CLIP1: variants seen among roughly 807,000 people sequenced by gnomAD.
The protein encoded by CLIP1 is CAP-Gly domain-containing linker protein 1.
Under a neutral mutation model 161.6 loss-of-function variants are expected in CLIP1, and 66 were observed. The ratio of observed to expected loss-of-function variants is 0.41; its 90% CI spans 0.33 to 0.50. The LOEUF is 0.50. CLIP1 is among the 20% of genes least tolerant of loss of function. The pLI is 0.27. For synonymous variants in CLIP1, 598 were observed against 626.2 expected, an observed-to-expected ratio of 0.96 and a Z score of 0.67; for missense variants, 1,376 against 1,702.0, an observed-to-expected ratio of 0.81 and a Z score of 3.37.
At chr12:122,401,717 G>T (rs924927832) in intron 1 of CLIP1, among the ~76,000 whole-genome samples, 1 of 150,956 alleles carries the variant, frequency 6.6e-6, no homozygotes, top group African/African-American at 2.4e-5. Context: ...GTATGATCTC[G>T]GCTGGGCATG....
chr12:122,393,829 T>C (rs1955773497), intron 1 of CLIP1, among the ~76,000 whole-genome samples: 2 of 139,238 alleles, frequency 1.4e-5, no homozygotes, highest in Admixed American at 1.7e-4. Flanking sequence ...GGAGAATCAC[T>C]TGAACCTGGG....
chr12:122,294,979 C>A (rs1950413476), intron 20 of CLIP1, among the ~76,000 whole-genome samples: 1 of 150,638 alleles, frequency 6.6e-6, no homozygotes, highest in African/African-American at 2.4e-5. Flanking sequence ...TTGCTTGAAC[C>A]CAGGAGGCAG....
chr12:122,332,345 A>C (rs932997885), intron 15 of CLIP1, among the ~76,000 whole-genome samples: 3 of 151,598 alleles, frequency 2.0e-5, no homozygotes, highest in African/African-American at 7.3e-5. Flanking sequence ...ATACACATCT[A>C]TATATAAACA....
In CLIP1 at chr12:122,271,976, T is replaced by C. The variant is rs1027007002; in HGVS notation, c.*899A>G. The C allele has an allele frequency of 1.3e-5, 2 of 152,566 alleles. No homozygotes were observed. Among genetic ancestry groups the C allele is most frequent in the South Asian group, 2.1e-4 (1 of 4,826 alleles). 9.5% of individuals were successfully genotyped at this position (152,566 alleles called of 1,614,324 possible). On this transcript the variant is annotated 3_prime_UTR_variant, in exon 26 of 26. Coordinates refer to ENST00000620786, the MANE Select transcript of CLIP1 (RefSeq NM_001247997.2). ...GAAAATTCCTCCAGTTATTTAAATC[T>C]GGTGAAGAAATAAAAGGAAAACAAA...
Position 122,304,762 on chromosome 12 carries a change from G to A in CLIP1, c.3594+5000C>T, listed in dbSNP as rs190595352. 2.0e-5 allele frequency among the ~76,000 whole-genome samples: 3 copies of A among 152,268 alleles called. No individual in the cohort carries two copies. The East Asian group carries it at 5.8e-4, about 29-fold the overall frequency. On this transcript the variant is annotated intron_variant, in intron 20 of 25. Coordinates refer to ENST00000620786, the MANE Select transcript of CLIP1 (RefSeq NM_001247997.2). ...AGAAAAACTGTGTTCATAGCATTGG[G>A]TACTGAAGGGAGACAGAGTCTGTGA...
chr12:122,345,198 A>G (rs1952688952), intron 10 of CLIP1, among the ~76,000 whole-genome samples: 1 of 150,738 alleles, frequency 6.6e-6, no homozygotes, highest in Non-Finnish European at 1.5e-5. Flanking sequence ...TTTTTGAAAC[A>G]GGGTCTTGCT....
intron 3 of CLIP1, chr12:122,365,755 C>T (rs902793041): frequency 1.7e-6 from 1 of 605,454 alleles, no homozygotes; most frequent in Non-Finnish European, 2.9e-6. Context: ...TGCCTGTAAT[C>T]TCAGCACTTT....
intron 4 of CLIP1, among the ~76,000 whole-genome samples, chr12:122,363,203 G>C (rs912612568): frequency 3.9e-5 from 6 of 152,176 alleles, no homozygotes; most frequent in Admixed American, 3.9e-4. Context: ...TGGGAGGCAA[G>C]AACGGGGTTA....
chr12:122,401,634 C>A (rs1039887737), intron 1 of CLIP1, among the ~76,000 whole-genome samples: 1 of 151,940 alleles, frequency 6.6e-6, no homozygotes, highest in South Asian at 2.1e-4. Flanking sequence ...CGCCATTGTA[C>A]TCCAAGAAAG....
At chr12:122,378,916 G>A (rs1325422132) in intron 2 of CLIP1, among the ~76,000 whole-genome samples, 10 of 151,606 alleles carry the variant, frequency 6.6e-5, no homozygotes, top group African/African-American at 1.7e-4. Flanking sequence ...ACCTGAGGTC[G>A]GGAGTTTGAG....
At chr12:122,415,070 TAATA>T (rs1377846146) in intron 1 of CLIP1, among the ~76,000 whole-genome samples, 1 of 150,050 alleles carries the variant, frequency 6.7e-6, no homozygotes, top group African/African-American at 2.5e-5. Flanking sequence ...AAAATAATAA[TAATA>T]AATAATTTTT....
rs563241888 is a variant in CLIP1, at chr12:122,352,120, C to T, written c.1368+606G>A. Among the ~76,000 whole-genome samples, 10 of 149,542 alleles carry T rather than the reference C, an allele frequency of 6.7e-5. No individual in the cohort carries two copies. In the East Asian group the frequency reaches 7.9e-4, roughly 12 times the overall value. Reference sequence around the variant, plus strand: ...TCCCCCAAGCTGGAGTGCAGTGGCACGATCTCGGCTCACTGCAACCTCCAC... The same window carrying T: ...TCCCCCAAGCTGGAGTGCAGTGGCATGATCTCGGCTCACTGCAACCTCCAC... On this transcript the variant is annotated intron_variant, in intron 8 of 25. Transcript: ENST00000620786.
At chr12:122,352,633 G>C in intron 8 of CLIP1, 93 bp downstream of exon 8, 1 of 1,174,332 alleles carries the variant, frequency 8.5e-7, no homozygotes, top group Non-Finnish European at 1.3e-6. Flanking sequence ...TCAGCTGGCT[G>C]TTCTGGCCGC....
At chr12:122,390,267 C>CATATATATAT (rs1202631168) in intron 1 of CLIP1, among the ~76,000 whole-genome samples, 1 of 71,290 alleles carries the variant, frequency 1.4e-5, no homozygotes, top group Non-Finnish European at 3.1e-5. Context: ...TATACACACA[C>CATATATATAT]ATATATATAT....
intron 1 of CLIP1, among the ~76,000 whole-genome samples, chr12:122,388,362 G>A (rs1955421382): frequency 6.6e-6 from 1 of 152,150 alleles, no homozygotes; most frequent in African/African-American, 2.4e-5. Context: ...TGGGACTACA[G>A]GCACCTGCAA....
intron 12 of CLIP1, among the ~76,000 whole-genome samples, chr12:122,334,968 T>C (rs1952147604): frequency 6.6e-6 from 1 of 152,198 alleles, no homozygotes; most frequent in South Asian, 2.1e-4. Flanking sequence ...TGTAGGCATG[T>C]TCGTACTTAG....
intron 3 of CLIP1, 44 bp from the exon 4 acceptor site, chr12:122,364,151 A>G: frequency 1.2e-6 from 2 of 1,612,672 alleles, no homozygotes. Flanking sequence ...ACATCACTCT[A>G]TAGCTTAATC....
Position 122,324,968 on chromosome 12 carries a change from G to GT in CLIP1, c.3249+2978dup, listed in dbSNP as rs1242687283. On this transcript the variant is annotated intron_variant, in intron 17 of 25. Coordinates refer to ENST00000620786, the MANE Select transcript of CLIP1 (RefSeq NM_001247997.2). ...TAGGCTTTGCTGACTAAAAGGAATA[G>GT]TTTTTTTTTTTTATTTACTGAATTA... Among the ~76,000 whole-genome samples, 1,132 of 143,362 alleles carry GT rather than the reference G, an allele frequency of 7.9e-3. 9 individuals carry two copies. The highest frequency in any genetic ancestry group is 0.014 in the African/African-American group (545 of 39,372). 94.1% of individuals were successfully genotyped at this position (143,362 alleles called of 152,430 possible). A position where few individuals can be genotyped will look rare whatever the true frequency, so the allele number is the denominator to read the frequency against.
At chr12:122,372,552 A>G (rs1282671054) in intron 3 of CLIP1, among the ~76,000 whole-genome samples, 1 of 151,750 alleles carries the variant, frequency 6.6e-6, no homozygotes, top group Non-Finnish European at 1.5e-5. Context: ...ATGCCACTGC[A>G]CTCCAGCTGG....
Sources: allele counts gnomAD v4.1 joint callset (sites outside exome capture counted in the v4.1 genomes callset), GRCh38; gene constraint gnomAD v4.1.1; transcripts MANE v1.5; gene names NCBI Gene and HGNC (gene_info 2026-07-23, HGNC 2026-07-21).